Variants in PPP2CA observed in about 807,000 individuals in gnomAD.
PPP2CA encodes protein phosphatase 2 catalytic subunit alpha, also known as serine/threonine-protein phosphatase 2A catalytic subunit alpha isoform.
In PPP2CA, 5 loss-of-function variants were observed where a neutral mutation model predicts 38.8. That is an observed-to-expected ratio of 0.13 (90% CI 0.07 to 0.27). The LOEUF is 0.27. PPP2CA is among the 10% of genes least tolerant of loss of function. PPP2CA has a pLI of 1.00. For synonymous variants in PPP2CA, 152 were observed against 134.0 expected, an observed-to-expected ratio of 1.13 and a Z score of -0.93; for missense variants, 88 against 389.7, an observed-to-expected ratio of 0.23 and a Z score of 6.52.
At chr5:134,198,774 C>T (rs1366193309) in intron 6 of PPP2CA, among the ~76,000 whole-genome samples, 2 of 152,190 alleles carry the variant, frequency 1.3e-5, no homozygotes, top group Non-Finnish European at 2.9e-5. Flanking sequence ...CCATGTTGGT[C>T]AGGCTTGTCT....
At chr5:134,225,576 C>T (rs1762554606) in intron 1 of PPP2CA, 184 bp downstream of exon 1, 3 of 510,942 alleles carry the variant, frequency 5.9e-6, no homozygotes, top group Non-Finnish European at 1.0e-5. Flanking sequence ...GCAACCAATC[C>T]CTGCGCGGGA....
At chr5:134,205,287 A>G (rs1484939913) in intron 2 of PPP2CA, among the ~76,000 whole-genome samples, 1 of 152,096 alleles carries the variant, frequency 6.6e-6, no homozygotes, top group Non-Finnish European at 1.5e-5. Flanking sequence ...ATAATACTTC[A>G]AAAGTATCTA....
chr5:134,215,834 C>T (rs1490562863), intron 1 of PPP2CA, among the ~76,000 whole-genome samples: 1 of 152,164 alleles, frequency 6.6e-6, no homozygotes, highest in Non-Finnish European at 1.5e-5. Context: ...GATAACATTT[C>T]CTGAACAAAT....
chr5:134,221,685 C>T (rs4246017), intron 1 of PPP2CA, among the ~76,000 whole-genome samples: 131,887 of 152,136 alleles, frequency 0.87, 57,494 homozygotes, highest in Middle Eastern at 0.92. Context: ...AAAATAATGT[C>T]TTGGCCAGGC....
At chr5:134,225,451 G>C in intron 1 of PPP2CA, 1 of 288,506 alleles carries the variant, frequency 3.5e-6, no homozygotes, top group Non-Finnish European at 6.6e-6. Flanking sequence ...CCTCAAAACC[G>C]TCCCTGACGA....
intron 1 of PPP2CA, among the ~76,000 whole-genome samples, chr5:134,220,456 C>CA (rs10649430): frequency 0.046 from 2,480 of 53,946 alleles, 228 homozygotes; most frequent in African/African-American, 0.14. Flanking sequence ...GACTCTATCT[C>CA]AAAAAAAAAA....
intron 1 of PPP2CA, among the ~76,000 whole-genome samples, chr5:134,214,840 AATT>A (rs1471644983): frequency 2.6e-5 from 4 of 151,966 alleles, no homozygotes; most frequent in Non-Finnish European, 4.4e-5. Context: ...TTTCTCCTAC[AATT>A]ATTAAGAAAA....
chr5:134,225,432 CCA>C (rs1561448543), intron 1 of PPP2CA: 1 of 254,080 alleles, frequency 3.9e-6, no homozygotes, highest in African/African-American at 2.3e-5. Context: ...AGAATCCAAG[CCA>C]GCTCACCCTC....
At chr5:134,200,615 G>T in intron 4 of PPP2CA, 119 bp from the exon 5 acceptor site, 1 of 1,091,446 alleles carries the variant, frequency 9.2e-7, no homozygotes, top group Non-Finnish European at 1.3e-6. Flanking sequence ...TGTGGACAAT[G>T]CTAATAGACT....
chr5:134,217,428 C>T (rs1762344279), intron 1 of PPP2CA, among the ~76,000 whole-genome samples: 1 of 152,062 alleles, frequency 6.6e-6, no homozygotes, highest in Admixed American at 6.6e-5. Flanking sequence ...GGAAAAAATG[C>T]AATTAATTTT....
Position 134,198,996 on chromosome 5 carries a change from C to T in PPP2CA, c.857+90G>A, listed in dbSNP as rs1761918579. The T allele has an allele frequency of 3.9e-6, 4 of 1,015,134 alleles. No individual in the cohort carries two copies. In the South Asian group the frequency reaches 4.1e-5, roughly 10 times the overall value. The allele number at this position is 1,015,134 out of a possible 1,614,324, so 62.9% of individuals were successfully genotyped here. A position where few individuals can be genotyped will look rare whatever the true frequency, so the allele number is the denominator to read the frequency against. ...CCTAGGAGTTCGAGACAAGACTGGGCAATATAGTGACACCCTCTCTCTCAA... is the reference window on the plus strand; with the variant it reads ...CCTAGGAGTTCGAGACAAGACTGGGTAATATAGTGACACCCTCTCTCTCAA... On this transcript the variant is annotated intron_variant, in intron 6 of 6. Coordinates refer to ENST00000481195, the MANE Select transcript of PPP2CA (RefSeq NM_002715.4).
chr5:134,197,026 T>G lies in PPP2CA; in HGVS notation c.*746A>C, dbSNP rs1761867090. The G allele has an allele frequency of 6.6e-6, 1 of 152,628 alleles. No individual in the cohort carries two copies. Among genetic ancestry groups the G allele is most frequent in the East Asian group, 1.9e-4 (1 of 5,202 alleles). The allele number at this position is 152,628 out of a possible 1,614,324, so 9.5% of individuals were successfully genotyped here. On this transcript the variant is annotated 3_prime_UTR_variant, in exon 7 of 7. Coordinates refer to ENST00000481195, the MANE Select transcript of PPP2CA (RefSeq NM_002715.4). ...CTACAAATTCTAAAATTTACTCAAT[T>G]GATTTAACTTTTTTAATAAACAGCA... is the stretch of plus-strand genomic sequence containing the variant.
chr5:134,217,183 G>T (rs946152318), intron 1 of PPP2CA, among the ~76,000 whole-genome samples: 2 of 152,092 alleles, frequency 1.3e-5, no homozygotes, highest in African/African-American at 4.8e-5. Flanking sequence ...GGGAGGCTGG[G>T]GCAGGAGAAT....
intron 1 of PPP2CA, among the ~76,000 whole-genome samples, chr5:134,209,440 A>C (rs944114550): frequency 6.6e-6 from 1 of 152,240 alleles, no homozygotes; most frequent in African/African-American, 2.4e-5. Context: ...AGACTACACC[A>C]GAACAGTAGA....
chr5:134,212,423 T>A (rs190641449), intron 1 of PPP2CA, among the ~76,000 whole-genome samples: 1 of 152,206 alleles, frequency 6.6e-6, no homozygotes, highest in East Asian at 1.9e-4. Flanking sequence ...CTACCAACCG[T>A]GCCCATAAGA....
rs1761822255 is a variant in PPP2CA at position 134,195,178 on chromosome 5, C to T, written c.*2594G>A. 1 of 152,190 alleles carries T rather than the reference C, an allele frequency of 6.6e-6. No individual in the cohort carries two copies. Among genetic ancestry groups the T allele is most frequent in the African/African-American group, 2.4e-5 (1 of 41,442 alleles). 9.4% of individuals were successfully genotyped at this position (152,190 alleles called of 1,614,324 possible). On this transcript the variant is annotated 3_prime_UTR_variant, in exon 7 of 7. Transcript: ENST00000481195. ...GGATACTCAACCCAAGACATGAGCACATCATGTACAAATTCATTGTAAACT... is the reference window on the plus strand; with the variant it reads ...GGATACTCAACCCAAGACATGAGCATATCATGTACAAATTCATTGTAAACT...
At position 134,198,512 on chromosome 5, in the gene PPP2CA, T is replaced by C. The variant is rs193058876; in HGVS notation, c.857+574A>G. Among the ~76,000 whole-genome samples the C allele has an allele frequency of 4.1e-5, 6 of 147,386 alleles. No homozygotes were observed. The East Asian group carries it at 1.2e-3, about 29-fold the overall frequency. On this transcript the variant is annotated intron_variant, in intron 6 of 6. Transcript: ENST00000481195. ...TTGGTGTGTTTCAATGTAGATCCAT[T>C]AAAAAAAAAACAAAACTTAAAAATA...
intron 1 of PPP2CA, among the ~76,000 whole-genome samples, chr5:134,220,658 T>G (rs925526779): frequency 6.6e-6 from 1 of 152,120 alleles, no homozygotes; most frequent in Non-Finnish European, 1.5e-5. Context: ...CTCTCCTCAG[T>G]ACCCTGATAA....
At chr5:134,201,756 G>T in intron 3 of PPP2CA, 92 bp downstream of exon 3, 1 of 1,322,952 alleles carries the variant, frequency 7.6e-7, no homozygotes, top group Non-Finnish European at 1.0e-6. Flanking sequence ...ATCCCCAAAG[G>T]GGTGTTAAGA....
Sources: allele counts gnomAD v4.1 joint callset (sites outside exome capture counted in the v4.1 genomes callset), GRCh38; gene constraint gnomAD v4.1.1; transcripts MANE v1.5; gene names NCBI Gene and HGNC (gene_info 2026-07-23, HGNC 2026-07-21).